Variants in SCN2A observed in about 807,000 individuals in gnomAD.
SCN2A encodes sodium voltage-gated channel alpha subunit 2.
A neutral mutation model predicts 188.7 loss-of-function variants in SCN2A; 20 were observed. The observed-to-expected ratio is 0.11, with a 90% CI of 0.07 to 0.15. The LOEUF (loss-of-function observed/expected upper bound fraction) is 0.15, where lower values mean the gene tolerates loss of function less well. Ranked by LOEUF, SCN2A falls within the 10% of genes least tolerant of loss-of-function variation. The probability of loss-of-function intolerance (pLI) is 1.00; values close to 1 mark genes in which losing one functional copy is unlikely to be tolerated. For missense variants in SCN2A, 1,278 were observed against 2,445.0 expected (o/e 0.52, Z 10.07); for synonymous variants, 804 against 833.1 (o/e 0.97, Z 0.60).
In SCN2A at chr2:165,387,028, T is replaced by A. The variant is rs746095664; in HGVS notation, c.4822+12T>A. 10 of 1,612,470 alleles carry A rather than the reference T, an allele frequency of 6.2e-6. No individual in the cohort carries two copies. In the South Asian group the frequency reaches 6.6e-5, roughly 11 times the overall value. ...TCTCTCCATTGTAGGTAAGAAGAGG[T>A]GCTTTTATTCAGTTAAGGAATATAG... On this transcript the variant is annotated intron_variant, in intron 26 of 26. Coordinates refer to ENST00000375437, the MANE Select transcript of SCN2A (RefSeq NM_001040142.2).
intron 14 of SCN2A, among the ~76,000 whole-genome samples, chr2:165,333,385 A>G (rs73023791): frequency 0.026 from 3,999 of 152,040 alleles, 185 homozygotes; most frequent in African/African-American, 0.091. Flanking sequence ...ATTCCCTAGG[A>G]TAAGTTATAG....
intron 1 of SCN2A, among the ~76,000 whole-genome samples, chr2:165,291,428 C>T (rs916313019): frequency 3.1e-5 from 4 of 130,380 alleles, no homozygotes; most frequent in Admixed American, 8.0e-5. Flanking sequence ...CCCTGTCTGT[C>T]TTTCTTTCTC....
At chr2:165,306,288 C>T (rs868849084) in intron 3 of SCN2A, among the ~76,000 whole-genome samples, 1 of 152,068 alleles carries the variant, frequency 6.6e-6, no homozygotes, top group Non-Finnish European at 1.5e-5. Flanking sequence ...TAGGAAAATA[C>T]AGGACTGTGT....
At chr2:165,332,919 G>A (rs2105296362) in intron 14 of SCN2A, among the ~76,000 whole-genome samples, 1 of 152,074 alleles carries the variant, frequency 6.6e-6, no homozygotes, top group South Asian at 2.1e-4. Flanking sequence ...CCCAATATGT[G>A]ACCTTCCTCT....
chr2:165,361,958 G>T (rs1020975369), intron 17 of SCN2A, among the ~76,000 whole-genome samples: 5 of 151,986 alleles, frequency 3.3e-5, no homozygotes, highest in Non-Finnish European at 7.4e-5. Flanking sequence ...GTGTTACTCT[G>T]CAATTAAGAG....
chr2:165,279,330 A>G (rs999352079), intron 1 of SCN2A, among the ~76,000 whole-genome samples: 7 of 152,200 alleles, frequency 4.6e-5, no homozygotes, highest in Non-Finnish European at 8.8e-5. Context: ...AAGACAATTC[A>G]TTTCAAATGG....
chr2:165,339,707 T>C (rs188797250), intron 14 of SCN2A, among the ~76,000 whole-genome samples: 1 of 152,166 alleles, frequency 6.6e-6, no homozygotes, highest in Non-Finnish European at 1.5e-5. Context: ...CAATGGAAGA[T>C]TCAATATTAT....
At chr2:165,295,203 C>A (rs1037458160) in intron 1 of SCN2A, among the ~76,000 whole-genome samples, 12 of 152,158 alleles carry the variant, frequency 7.9e-5, no homozygotes, top group African/African-American at 2.7e-4. Flanking sequence ...CAAGCAGGAT[C>A]TACCTATGTT....
rs146539772 is a variant in SCN2A at position 165,385,930 on chromosome 2, C to A, written c.4552-816C>A. Reference sequence around the variant, plus strand: ...ACATGACAAATATTTACTAACTGTCCGTCATAACATGATGGTGTTCTGTGC... The same window carrying A: ...ACATGACAAATATTTACTAACTGTCAGTCATAACATGATGGTGTTCTGTGC... On this transcript the variant is annotated intron_variant, in intron 25 of 26. Coordinates refer to ENST00000375437, the MANE Select transcript of SCN2A (RefSeq NM_001040142.2). 2.6e-5 allele frequency among the ~76,000 whole-genome samples: 4 copies of A among 152,112 alleles called. No individual in the cohort carries two copies. The East Asian group carries it at 7.7e-4, about 29-fold the overall frequency.
At chr2:165,291,575 T>TCCTTCCTTCCTTCCTTCCTTCCTTTCTC (rs1460696524) in intron 1 of SCN2A, among the ~76,000 whole-genome samples, 2 of 70,584 alleles carry the variant, frequency 2.8e-5, no homozygotes, top group African/African-American at 9.3e-5. Context: ...CTTCCTTCCT[T>TCCTTCCTTCCTTCCTTCCTTCCTTTCTC]TCTCTCTCTC....
chr2:165,240,506 A>G (rs997978788), intron 1 of SCN2A, among the ~76,000 whole-genome samples: 2 of 152,186 alleles, frequency 1.3e-5, no homozygotes, highest in African/African-American at 4.8e-5. Context: ...CTTGATTATT[A>G]TTAGAATAAC....
intron 1 of SCN2A, among the ~76,000 whole-genome samples, chr2:165,264,904 C>T (rs1463534992): frequency 6.6e-6 from 1 of 151,946 alleles, no homozygotes; most frequent in East Asian, 1.9e-4. Flanking sequence ...ATGTCTTTGC[C>T]ATTGTGAGTA....
At chr2:165,352,669 A>G (rs1559382561) in intron 16 of SCN2A, among the ~76,000 whole-genome samples, 1 of 152,196 alleles carries the variant, frequency 6.6e-6, no homozygotes, top group Non-Finnish European at 1.5e-5. Context: ...CAGTTAAACC[A>G]CAGTCAAAAT....
chr2:165,366,544 C>A (rs1700733900), intron 18 of SCN2A, among the ~76,000 whole-genome samples: 1 of 151,756 alleles, frequency 6.6e-6, no homozygotes, highest in Non-Finnish European at 1.5e-5. Flanking sequence ...ACCAGCCAGG[C>A]AAACATGGTA....
In SCN2A at chr2:165,323,452, G is replaced by A; in HGVS notation, c.1968G>A (p.Leu656=). ...SAVDCNGVVS[L]VGGPSTLTSA... Reference sequence around the variant, plus strand: ...TGGACTGCAATGGTGTGGTCTCCCTGGTCGGGGGCCCTTCTACCCTCACAT... The same window carrying A: ...TGGACTGCAATGGTGTGGTCTCCCTAGTCGGGGGCCCTTCTACCCTCACAT... The change falls in exon 12 of 27, where the codon CTG becomes CTA. Residue 656 remains leucine, a synonymous_variant. Coordinates refer to ENST00000375437, the MANE Select transcript of SCN2A (RefSeq NM_001040142.2). The A allele has an allele frequency of 1.2e-6, 2 of 1,613,886 alleles. No individual in the cohort carries two copies. The highest frequency in any genetic ancestry group is 1.7e-5 in the Admixed American group (1 of 59,990).
intron 1 of SCN2A, chr2:165,274,183 C>A (rs1695226778): frequency 1.3e-5 from 2 of 151,496 alleles, no homozygotes; most frequent in Non-Finnish European, 2.9e-5. Context: ...TTCCTGTAGG[C>A]AAAACTTGAT....
Position 165,365,119 on chromosome 2 carries a change from T to G in SCN2A, c.3400-24T>G, listed in dbSNP as rs201282702. The G allele has an allele frequency of 7.0e-4, 1,118 of 1,606,834 alleles. 26 individuals are homozygous for G. The South Asian group carries it at 0.012, about 17-fold the overall frequency. ...AGATTAAAGAAAATAATTAAATGTGTTTTTTTGTGGGATTGATTTTCAGAA... is the reference window on the plus strand; with the variant it reads ...AGATTAAAGAAAATAATTAAATGTGGTTTTTTGTGGGATTGATTTTCAGAA... On this transcript the variant is annotated intron_variant, in intron 17 of 26. Coordinates refer to ENST00000375437, the MANE Select transcript of SCN2A (RefSeq NM_001040142.2).
At chr2:165,244,895 A>C (rs539367634) in intron 1 of SCN2A, among the ~76,000 whole-genome samples, 1 of 152,276 alleles carries the variant, frequency 6.6e-6, no homozygotes, top group African/African-American at 2.4e-5. Flanking sequence ...GTGTTGTGTG[A>C]TATGTATGGG....
At chr2:165,346,849 C>A (rs894059538) in intron 16 of SCN2A, among the ~76,000 whole-genome samples, 1 of 152,212 alleles carries the variant, frequency 6.6e-6, no homozygotes, top group African/African-American at 2.4e-5. Context: ...AAAAGCTCAT[C>A]ATCACTGGTC....
Sources: gnomAD v4.1 joint callset for allele counts (sites outside exome capture counted in the v4.1 genomes callset) on GRCh38, gnomAD v4.1.1 for gene constraint, MANE v1.5 for transcripts, NCBI Gene and HGNC (gene_info 2026-07-23, HGNC 2026-07-21) for gene names.